The following KIFC3 variants were observed in gnomAD, a reference collection of about 807,000 sequenced individuals.
The protein encoded by KIFC3 is kinesin-like protein KIFC3.
In KIFC3, 60 loss-of-function variants were observed where a neutral mutation model predicts 101.8. That is an observed-to-expected ratio of 0.59 (90% CI 0.48 to 0.73). KIFC3 has a LOEUF of 0.73. Among genes scored for constraint, KIFC3 ranks in the 30% least tolerant of loss-of-function variants. The pLI is 0.00. For missense variants in KIFC3, 966 were observed against 1,137.1 expected (o/e 0.85, Z 2.16); for synonymous variants, 476 against 482.7 (o/e 0.99, Z 0.18).
Position 57,761,396 on chromosome 16 carries a change from G to A in KIFC3, c.1872+17C>T, listed in dbSNP as rs369509445. The A allele has an allele frequency of 1.9e-6, 3 of 1,613,748 alleles. No individual in the cohort carries two copies. The highest frequency in any genetic ancestry group is 2.5e-6 in the Non-Finnish European group (3 of 1,179,882). On this transcript the variant is annotated intron_variant, in intron 14 of 19. Coordinates refer to ENST00000445690, the MANE Select transcript of KIFC3 (RefSeq NM_001130100.2). Reference sequence around the variant, plus strand: ...CTAGAGCAGTGTGGCTGTGGTCAGGGGCTCCCGCCTCCACACCTTGTTGAT... The same window carrying A: ...CTAGAGCAGTGTGGCTGTGGTCAGGAGCTCCCGCCTCCACACCTTGTTGAT...
At chr16:57,845,375 A>G (rs2055896798) in intron 1 of KIFC3, among the ~76,000 whole-genome samples, 2 of 152,146 alleles carry the variant, frequency 1.3e-5, no homozygotes, top group African/African-American at 4.8e-5. Context: ...TGATCTTGTT[A>G]AAACTGAAGC....
At chr16:57,820,068 TATGTTGGC>T (rs1271170835) in intron 1 of KIFC3, among the ~76,000 whole-genome samples, 2 of 150,702 alleles carry the variant, frequency 1.3e-5, no homozygotes, top group African/African-American at 4.9e-5. Flanking sequence ...GGGGTTTCAC[TATGTTGGC>T]CAGGCTGGTC....
Position 57,817,018 on chromosome 16 carries a change from G to T in KIFC3, c.109-18736C>A, listed in dbSNP as rs1598200550. 1.6e-5 allele frequency: 5 copies of T among 319,876 alleles called. No homozygotes were observed. The East Asian group carries it at 4.3e-4, about 28-fold the overall frequency. 19.8% of individuals were successfully genotyped at this position (319,876 alleles called of 1,614,324 possible). On this transcript the variant is annotated intron_variant, in intron 1 of 2. Coordinates refer to the KIFC3 transcript ENST00000563028. ...TTATCACATGCATTCATTTCCTGGGGCTGCCGTCGCAAACTGCCACAAACT... is the reference window on the plus strand; with the variant it reads ...TTATCACATGCATTCATTTCCTGGGTCTGCCGTCGCAAACTGCCACAAACT...
chr16:57,783,476 T>TC (rs72094535), intron 3 of KIFC3, among the ~76,000 whole-genome samples: 3,071 of 53,552 alleles, frequency 0.057, 130 homozygotes, highest in African/African-American at 0.12. Context: ...TCTTTTCTTT[T>TC]TTTTTTTTTT....
chr16:57,790,013 A>G (rs1004408675), intron 3 of KIFC3, among the ~76,000 whole-genome samples: 4 of 151,128 alleles, frequency 2.6e-5, no homozygotes, highest in Non-Finnish European at 4.4e-5. Context: ...CTGGGATTAC[A>G]GGCATGAGCC....
chr16:57,784,889 T>C (rs1862809), intron 3 of KIFC3, among the ~76,000 whole-genome samples: 1 of 152,130 alleles, frequency 6.6e-6, no homozygotes, highest in Non-Finnish European at 1.5e-5. Flanking sequence ...GGTACCCAAA[T>C]GTCCTGCCCA....
chr16:57,778,363 T>G (rs1188732877), intron 3 of KIFC3, among the ~76,000 whole-genome samples: 1 of 152,128 alleles, frequency 6.6e-6, no homozygotes, highest in Non-Finnish European at 1.5e-5. Context: ...GGAGAAAATG[T>G]CATGACATTA....
intron 1 of KIFC3, among the ~76,000 whole-genome samples, chr16:57,815,998 G>A (rs1555628715): frequency 1.3e-5 from 2 of 152,334 alleles, no homozygotes; most frequent in African/African-American, 4.8e-5. Flanking sequence ...CTTCACCTGG[G>A]GTGAGGGTCT....
chr16:57,784,961 G>C (rs1846026069), intron 3 of KIFC3, among the ~76,000 whole-genome samples: 1 of 152,210 alleles, frequency 6.6e-6, no homozygotes. Context: ...TCCAGAGGTT[G>C]AGAGATCCCT....
chr16:57,838,415 G>A (rs1036972497), intron 1 of KIFC3, among the ~76,000 whole-genome samples: 15 of 152,128 alleles, frequency 9.9e-5, no homozygotes, highest in Non-Finnish European at 2.1e-4. Flanking sequence ...TATCCCGGGA[G>A]TTCCAGACAC....
chr16:57,846,139 A>G (rs1215276622), intron 1 of KIFC3, among the ~76,000 whole-genome samples: 1 of 152,064 alleles, frequency 6.6e-6, no homozygotes, highest in Non-Finnish European at 1.5e-5. Flanking sequence ...CTCCCTCCCC[A>G]CCAGAGCAGG....
chr16:57,786,181 A>G (rs2149120063), intron 3 of KIFC3, among the ~76,000 whole-genome samples: 1 of 152,336 alleles, frequency 6.6e-6, no homozygotes, highest in East Asian at 1.9e-4. Flanking sequence ...TGCGAGGGAC[A>G]GACAGACCAG....
rs782432876 is a variant in KIFC3, at chr16:57,759,841, G to C, written c.2368-5C>G. 1 of 1,604,732 alleles carries C rather than the reference G, an allele frequency of 6.2e-7. No individual in the cohort carries two copies. Among genetic ancestry groups the C allele is most frequent in the South Asian group, 1.1e-5 (1 of 89,870 alleles). ...CGTCTGACAAGCCGGCTCCCACTGT[G>C]AGCAGGGAAGGGCGGATGGGCGGGG... On this transcript the variant is annotated splice_region_variant and splice_polypyrimidine_tract_variant and intron_variant, in intron 17 of 19. Transcript: ENST00000445690.
chr16:57,776,150 C>T (rs925646981), intron 3 of KIFC3: 77 of 985,308 alleles, frequency 7.8e-5, no homozygotes, highest in Admixed American at 1.8e-4. Context: ...GCCCAGTCAA[C>T]GATCATCAGC....
intron 1 of KIFC3, among the ~76,000 whole-genome samples, chr16:57,859,899 G>A (rs961118412): frequency 6.6e-6 from 1 of 151,762 alleles, no homozygotes; most frequent in South Asian, 2.1e-4. Flanking sequence ...GCGCATGCCT[G>A]TAGTCCCAGC....
Position 57,766,883 on chromosome 16 carries a change from G to T in KIFC3, c.1321C>A (p.Arg441=). Residue 441 remains arginine, a synonymous_variant, in exon 10 of 20, where the codon CGG becomes AGG. Coordinates refer to ENST00000445690, the MANE Select transcript of KIFC3 (RefSeq NM_001130100.2). ...GCCCTCCTGCAGTCACCTTTCAGCC[G>T]CACGAGCTCATTGTGGCACTTCTTA... is the stretch of plus-strand genomic sequence containing the variant. The part of the protein sequence containing the change: ...LRKKCHNELV[R]LKGNIRVIAR... The T allele has an allele frequency of 6.2e-7, 1 of 1,608,350 alleles. No homozygotes were observed. The highest frequency in any genetic ancestry group is 1.1e-5 in the South Asian group (1 of 91,034).
chr16:57,836,152 G>A (rs533354645), intron 1 of KIFC3, among the ~76,000 whole-genome samples: 4 of 152,252 alleles, frequency 2.6e-5, no homozygotes, highest in Non-Finnish European at 4.4e-5. Flanking sequence ...GGCCTCTGTC[G>A]CCCAGGCCAG....
In KIFC3 at chr16:57,759,747, C is replaced by A. The variant is rs1555593844; in HGVS notation, c.2457G>T (p.Arg819=). 1 of 1,610,746 alleles carries A rather than the reference C, an allele frequency of 6.2e-7. No homozygotes were observed. Among genetic ancestry groups the A allele is most frequent in the Admixed American group, 1.7e-5 (1 of 59,666 alleles). Residue 819 remains arginine, a synonymous_variant, in exon 18 of 20, where the codon CGG becomes CGT. Transcript: ENST00000445690. ...GCTCACCCGAGGGCTGCAGCTTCCTCCGGATGGATCCAGGGCGGCTACTGG... is the reference window on the plus strand; with the variant it reads ...GCTCACCCGAGGGCTGCAGCTTCCTACGGATGGATCCAGGGCGGCTACTGG... The part of the protein sequence containing the change: ...SGTSSRPGSI[R]RKLQPSA
chr16:57,761,228 A>C, intron 14 of KIFC3, 57 bp from the exon 15 acceptor site: 1 of 1,602,896 alleles, frequency 6.2e-7, no homozygotes, highest in Non-Finnish European at 8.5e-7. Context: ...CCTCAGAGTC[A>C]CCTGGCCCCA....
Sources: allele counts gnomAD v4.1 joint callset (sites outside exome capture counted in the v4.1 genomes callset), GRCh38; gene constraint gnomAD v4.1.1; transcripts MANE v1.5; gene names NCBI Gene and HGNC (gene_info 2026-07-23, HGNC 2026-07-21).